Variants in APCDD1 observed in about 807,000 individuals in gnomAD.
The protein encoded by APCDD1 is APC down-regulated 1.
A neutral mutation model predicts 38.1 loss-of-function variants in APCDD1; 15 were observed. That is an observed-to-expected ratio of 0.39 (90% CI 0.26 to 0.61). APCDD1 has a LOEUF of 0.61. APCDD1 is among the 20% of genes least tolerant of loss of function. The pLI is 0.49. For synonymous variants in APCDD1, 261 were observed against 279.7 expected (o/e 0.93, Z 0.67); for missense variants, 647 against 696.2 (o/e 0.93, Z 0.79).
Position 10,471,502 on chromosome 18 carries a change from G to T in APCDD1, c.243-28G>T. ...TTTCCCATACCTTCAGGCTTACAAA[G>T]GTCTCTTCTTCCCCTTTTCTTGCCC... On this transcript the variant is annotated intron_variant, in intron 2 of 4. Transcript: ENST00000355285. The surrounding 1 kb of genome is among the most constrained non-coding windows in gnomAD (Gnocchi z 5.5). 6.2e-7 allele frequency: 1 copy of T among 1,613,992 alleles called. No individual in the cohort carries two copies. The highest frequency in any genetic ancestry group is 1.1e-5 in the South Asian group (1 of 91,058).
At chr18:10,460,612 C>T (rs922357299) in intron 1 of APCDD1, among the ~76,000 whole-genome samples, 2 of 152,032 alleles carry the variant, frequency 1.3e-5, no homozygotes, top group Admixed American at 6.5e-5. Context: ...GTATACTGTC[C>T]TATTTCACTT....
rs2031304500 is a variant in APCDD1, at chr18:10,488,556, T to C, written c.*518T>C. The C allele has an allele frequency of 6.5e-6, 1 of 154,832 alleles. No individual in the cohort carries two copies. The highest frequency in any genetic ancestry group is 2.4e-5 in the African/African-American group (1 of 41,412). 9.6% of individuals were successfully genotyped at this position (154,832 alleles called of 1,614,324 possible). A position where few individuals can be genotyped will look rare whatever the true frequency, so the allele number is the denominator to read the frequency against. ...TATTAATAAAGAAGAGACACAGGTG[T>C]AGATATGTATATACAAAAAGATGTA... On this transcript the variant is annotated 3_prime_UTR_variant, in exon 5 of 5. Transcript: ENST00000355285.
intron 3 of APCDD1, among the ~76,000 whole-genome samples, chr18:10,482,126 G>A (rs1022946043): frequency 4.6e-5 from 7 of 152,140 alleles, no homozygotes; most frequent in African/African-American, 1.2e-4. Flanking sequence ...AAGAACTAAC[G>A]TCCCTTATTT....
intron 3 of APCDD1, among the ~76,000 whole-genome samples, chr18:10,483,493 T>C (rs1182937972): frequency 1.3e-5 from 2 of 152,228 alleles, no homozygotes; most frequent in South Asian, 2.1e-4. Context: ...GCCCATCTAA[T>C]GCACACAGCA....
intron 3 of APCDD1, among the ~76,000 whole-genome samples, chr18:10,479,707 G>T (rs2031089898): frequency 6.6e-6 from 1 of 152,134 alleles, no homozygotes; most frequent in African/African-American, 2.4e-5. Flanking sequence ...TGCCTTAGTT[G>T]CCTCGTCTGT....
At position 10,472,972 on chromosome 18, in the gene APCDD1, T is replaced by C. The variant is rs1190182736; in HGVS notation, c.774+911T>C. ...TAGTGTGAACGTGCAGACCCGGGCC[T>C]GCTGCGGGTGGGCGGTGGGCAGGTC... On this transcript the variant is annotated intron_variant, in intron 3 of 4. Coordinates refer to ENST00000355285, the MANE Select transcript of APCDD1 (RefSeq NM_153000.5). This position sits in a 1 kb window ranked among gnomAD's most constrained non-coding sequence, Gnocchi z 6.6. 6.6e-6 allele frequency among the ~76,000 whole-genome samples: 1 copy of C among 152,178 alleles called. No individual in the cohort carries two copies. Among genetic ancestry groups the C allele is most frequent in the South Asian group, 2.1e-4 (1 of 4,816 alleles).
Position 10,454,643 on chromosome 18 carries a change from G to A in APCDD1, c.-339G>A, listed in dbSNP as rs1277955957. 3.8e-6 allele frequency: 4 copies of A among 1,049,190 alleles called. No homozygotes were observed. Among genetic ancestry groups the A allele is most frequent in the Admixed American group, 5.0e-5 (1 of 20,098 alleles). 65.0% of individuals were successfully genotyped at this position (1,049,190 alleles called of 1,614,324 possible). On this transcript the variant is annotated 5_prime_UTR_variant, in exon 1 of 5. Transcript: ENST00000355285. ...CGGCGCGCTGGAAATATGAAGAGAC[G>A]CTGCAGCTGCGGTGGCGGTGGCGGC... is the stretch of plus-strand genomic sequence containing the variant.
In APCDD1 at chr18:10,471,507, C is replaced by T. The variant is rs2030849480; in HGVS notation, c.243-23C>T. 1 of 1,614,140 alleles carries T rather than the reference C, an allele frequency of 6.2e-7. No individual in the cohort carries two copies. The highest frequency in any genetic ancestry group is 1.3e-5 in the African/African-American group (1 of 75,034). ...CATACCTTCAGGCTTACAAAGGTCT[C>T]TTCTTCCCCTTTTCTTGCCCAGCTG... On this transcript the variant is annotated intron_variant, in intron 2 of 4. Coordinates refer to ENST00000355285, the MANE Select transcript of APCDD1 (RefSeq NM_153000.5). This position sits in a 1 kb window ranked among gnomAD's most constrained non-coding sequence, Gnocchi z 5.5.
Position 10,485,776 on chromosome 18 carries a change from G to A in APCDD1, c.1089G>A (p.Val363=). 6.2e-7 allele frequency: 1 copy of A among 1,612,562 alleles called. No individual in the cohort carries two copies. Among genetic ancestry groups the A allele is most frequent in the Non-Finnish European group, 8.5e-7 (1 of 1,179,998 alleles). Residue 363 remains valine (V), a synonymous_variant, in exon 4 of 5, where the codon GTG becomes GTA. Transcript: ENST00000355285. The surrounding 1 kb of genome is among the most constrained non-coding windows in gnomAD (Gnocchi z 5.8). ...SSRVMGGTEF[V]FKVNHMKVTP... ...GGGTCATGGGAGGCACCGAGTTCGT[G>A]TTCAAAGGTAGGATTCCCATCTCAA...
Position 10,469,489 on chromosome 18 carries a change from T to C in APCDD1, c.242+837T>C, listed in dbSNP as rs924836260. Among the ~76,000 whole-genome samples, 2 of 152,258 alleles carry C rather than the reference T, an allele frequency of 1.3e-5. No homozygotes were observed. The highest frequency in any genetic ancestry group is 2.9e-5 in the Non-Finnish European group (2 of 68,040). On this transcript the variant is annotated intron_variant, in intron 2 of 4. Transcript: ENST00000355285. The surrounding 1 kb of genome is among the most constrained non-coding windows in gnomAD (Gnocchi z 5.5). ...TTACATACTTTTAAAATATTTATCA[T>C]TTTATTCAACAAATATTTATTGAGT...
At chr18:10,474,791 C>T (rs1329785001) in intron 3 of APCDD1, among the ~76,000 whole-genome samples, 2 of 152,216 alleles carry the variant, frequency 1.3e-5, no homozygotes, top group African/African-American at 4.8e-5. Flanking sequence ...CCGTCAATGT[C>T]CCTCTGCAGA....
intron 1 of APCDD1, among the ~76,000 whole-genome samples, chr18:10,463,417 A>G (rs2030621701): frequency 6.6e-6 from 1 of 152,164 alleles, no homozygotes; most frequent in South Asian, 2.1e-4. Flanking sequence ...TTTGGAATTG[A>G]CTTACTTCAG....
Position 10,488,396 on chromosome 18 carries a change from A to G in APCDD1, c.*358A>G, listed in dbSNP as rs2143569403. On this transcript the variant is annotated 3_prime_UTR_variant, in exon 5 of 5. Transcript: ENST00000355285. ...TTCTGAGTTAAACTTAGAAGAAACA[A>G]CTATCAAGCTACAACTTTTCCTGCC... is the stretch of plus-strand genomic sequence containing the variant. 1 of 195,688 alleles carries G rather than the reference A, an allele frequency of 5.1e-6. No homozygotes were observed. Among genetic ancestry groups the G allele is most frequent in the South Asian group, 1.1e-4 (1 of 9,288 alleles). The allele number at this position is 195,688 out of a possible 1,614,324, so 12.1% of individuals were successfully genotyped here. A position where few individuals can be genotyped will look rare whatever the true frequency, so the allele number is the denominator to read the frequency against.
At chr18:10,481,288 A>G (rs1447773379) in intron 3 of APCDD1, among the ~76,000 whole-genome samples, 1 of 152,252 alleles carries the variant, frequency 6.6e-6, no homozygotes, top group Non-Finnish European at 1.5e-5. Context: ...GGTGGAAGCA[A>G]CCTAAATGTC....
In APCDD1 at chr18:10,471,413, A is replaced by T. The variant is rs1348497989; in HGVS notation, c.243-117A>T. The T allele has an allele frequency of 5.3e-6, 7 of 1,314,124 alleles. No homozygotes were observed. In the Admixed American group the frequency reaches 1.3e-4, roughly 25 times the overall value. The allele number at this position is 1,314,124 out of a possible 1,614,324, so 81.4% of individuals were successfully genotyped here. A position where few individuals can be genotyped will look rare whatever the true frequency, so the allele number is the denominator to read the frequency against. On this transcript the variant is annotated intron_variant, in intron 2 of 4. Coordinates refer to ENST00000355285, the MANE Select transcript of APCDD1 (RefSeq NM_153000.5). The surrounding 1 kb of genome is among the most constrained non-coding windows in gnomAD (Gnocchi z 5.5). ...GGTATCTATAAAGGGCTGACAACAG[A>T]GTCTGGCCCATCGTCAGCACTTTAT... is the stretch of plus-strand genomic sequence containing the variant.
At position 10,489,469 on chromosome 18, in the gene APCDD1, G is replaced by A. The variant is rs1389190182; in HGVS notation, c.*1431G>A. 2 of 152,276 alleles carry A rather than the reference G, an allele frequency of 1.3e-5. No individual in the cohort carries two copies. Among genetic ancestry groups the A allele is most frequent in the African/African-American group, 4.8e-5 (2 of 41,438 alleles). The allele number at this position is 152,276 out of a possible 1,614,324, so 9.4% of individuals were successfully genotyped here. On this transcript the variant is annotated 3_prime_UTR_variant, in exon 5 of 5. Coordinates refer to ENST00000355285, the MANE Select transcript of APCDD1 (RefSeq NM_153000.5). ...AACCCCAGCACTTTGGGAGACCAAGGAGGGTGGATCACGAGGTCAGGAGAT... is the reference window on the plus strand; with the variant it reads ...AACCCCAGCACTTTGGGAGACCAAGAAGGGTGGATCACGAGGTCAGGAGAT...
In APCDD1 at chr18:10,470,765, G is replaced by A. The variant is rs922233193; in HGVS notation, c.243-765G>A. On this transcript the variant is annotated intron_variant, in intron 2 of 4. Coordinates refer to ENST00000355285, the MANE Select transcript of APCDD1 (RefSeq NM_153000.5). This position sits in a 1 kb window ranked among gnomAD's most constrained non-coding sequence, Gnocchi z 4.1. ...ATGTGAATGGCTGACAGAGCCGTTT[G>A]TGAAATCCCTCAATTCCATCCCGCT... Among the ~76,000 whole-genome samples, 3 of 152,236 alleles carry A rather than the reference G, an allele frequency of 2.0e-5. No individual in the cohort carries two copies. Among genetic ancestry groups the A allele is most frequent in the Non-Finnish European group, 4.4e-5 (3 of 68,038 alleles).
At chr18:10,455,100 A>T (rs896087838) in intron 1 of APCDD1, 61 bp downstream of exon 1, 9 of 1,542,130 alleles carry the variant, frequency 5.8e-6, no homozygotes, top group Non-Finnish European at 7.9e-6. Flanking sequence ...GGCGCCGCGG[A>T]GCCCGCGGAG....
At chr18:10,458,120 G>T (rs1452445762) in intron 1 of APCDD1, among the ~76,000 whole-genome samples, 1 of 152,184 alleles carries the variant, frequency 6.6e-6, no homozygotes, top group Non-Finnish European at 1.5e-5. Context: ...TTAGCATGAG[G>T]TATCCAGAAT....
Sources: gnomAD v4.1 joint callset for allele counts (sites outside exome capture counted in the v4.1 genomes callset) on GRCh38, gnomAD v4.1.1 for gene constraint, Gnocchi (gnomAD v3.1) non-coding constraint, MANE v1.5 for transcripts, NCBI Gene and HGNC (gene_info 2026-07-23, HGNC 2026-07-21) for gene names.